Variants in MYO15A observed in about 807,000 individuals in gnomAD.
MYO15A encodes unconventional myosin-XV.
A neutral mutation model predicts 394.6 loss-of-function variants in MYO15A; 308 were observed. The observed-to-expected ratio is 0.78, with a 90% CI of 0.71 to 0.86. The LOEUF is 0.86. Ranked by LOEUF, MYO15A falls within the 40% of genes least tolerant of loss-of-function variation. The pLI, the probability that MYO15A is intolerant of heterozygous loss-of-function variation, is 0.00. For missense variants in MYO15A, 4,606 were observed against 4,799.1 expected, an observed-to-expected ratio of 0.96 and a Z score of 1.19; for synonymous variants, 1,957 against 2,003.8, an observed-to-expected ratio of 0.98 and a Z score of 0.62.
intron 28 of MYO15A, 59 bp from the exon 29 acceptor site, chr17:18,144,438 G>T (rs2046439716): frequency 2.8e-6 from 4 of 1,420,832 alleles, no homozygotes; most frequent in Non-Finnish European, 3.9e-6. Flanking sequence ...CAGAGCAGTG[G>T]GTCCAGATGT....
At chr17:18,113,760 C>T (rs1340506243) in intron 1 of MYO15A, among the ~76,000 whole-genome samples, 1 of 146,818 alleles carries the variant, frequency 6.8e-6, no homozygotes, top group African/African-American at 2.5e-5. Flanking sequence ...AAAAGGCAAA[C>T]ATAAGAATAC....
At chr17:18,126,498 C>G (rs751184306) in intron 5 of MYO15A, 42 bp downstream of exon 5, 7 of 1,568,046 alleles carry the variant, frequency 4.5e-6, no homozygotes, top group Non-Finnish European at 5.2e-6. Context: ...TCTTGGGCCC[C>G]TCTTTCCCCT....
chr17:18,154,145 G>T lies in MYO15A; in HGVS notation c.8103G>T (p.Lys2701Asn). The T allele has an allele frequency of 6.2e-7, 1 of 1,614,082 alleles. No homozygotes were observed. The highest frequency in any genetic ancestry group is 8.5e-7 in the Non-Finnish European group (1 of 1,180,036). Residue 2701 changes from lysine to asparagine, a missense_variant, in exon 44 of 66, where the codon AAG becomes AAT. Physicochemically the swap from Lys to Asn is moderately conservative, Grantham distance 94. Around this residue, in one of 2 missense-constraint regions of MYO15A, gnomAD observed 2,776 missense variants for 3,109.3 expected, o/e 0.89. Transcript: ENST00000647165. ...CGCCCCTGCAGGTGTTTTACCCCAA[G>T]GACAGCTACAGCCATCCTGTGCAGC... ...IFLRKEVFYP[K>N]DSYSHPVQLD...
Position 18,119,072 on chromosome 17 carries a change from G to A in MYO15A, c.272G>A (p.Arg91His), listed in dbSNP as rs759755751. 3 of 1,611,766 alleles carry A rather than the reference G, an allele frequency of 1.9e-6. No homozygotes were observed. Among genetic ancestry groups the A allele is most frequent in the African/African-American group, 1.3e-5 (1 of 74,914 alleles). Residue 91 changes from arginine (R) to histidine (H), a missense_variant, in exon 2 of 66, where the codon CGC (arginine) becomes CAC (histidine). Arg to His is a conservative substitution (Grantham distance 29, BLOSUM62 0). This residue lies in a region of MYO15A where 1,830 missense variants were observed against 1,689.7 expected (regional missense o/e 1.08). Transcript: ENST00000647165. ...KSTSKLMTQM[R>H]MGKKKRAMKG... Reference sequence around the variant, plus strand: ...ACGTCAAAGCTCATGACGCAGATGCGCATGGGCAAGAAGAAGCGGGCGATG... The same window carrying A: ...ACGTCAAAGCTCATGACGCAGATGCACATGGGCAAGAAGAAGCGGGCGATG...
rs1287708291 is a variant in MYO15A, at chr17:18,119,393, C to G, written c.593C>G (p.Ala198Gly). ...TTCCCCCGCAGCCGCAGCATCTACG[C>G]GTCAGGCGAGCCCCTGGGCTTCCTG... ...RRFPRSRSIY[A>G]SGEPLGFLPF... Residue 198 changes from alanine (A) to glycine (G), a missense_variant, in exon 2 of 66, where the codon GCG becomes GGG. Coordinates refer to ENST00000647165, the MANE Select transcript of MYO15A (RefSeq NM_016239.4). 1 of 1,611,200 alleles carries G rather than the reference C, an allele frequency of 6.2e-7. No individual in the cohort carries two copies. The highest frequency in any genetic ancestry group is 1.7e-5 in the Admixed American group (1 of 60,008).
At position 18,143,815 on chromosome 17, in the gene MYO15A, G is replaced by T; in HGVS notation, c.6046+19G>T. ...GTGGCAGGTGGGTCAGCACCAGGCG[G>T]GGGGAGGGCCCAGGCAGATCAGAGC... On this transcript the variant is annotated intron_variant, in intron 27 of 65. Coordinates refer to ENST00000647165, the MANE Select transcript of MYO15A (RefSeq NM_016239.4). 1.9e-6 allele frequency: 3 copies of T among 1,573,284 alleles called. No homozygotes were observed. Among genetic ancestry groups the T allele is most frequent in the Non-Finnish European group, 2.6e-6 (3 of 1,159,388 alleles).
Position 18,153,634 on chromosome 17 carries a change from C to G in MYO15A, c.7967-141C>G. The G allele has an allele frequency of 1.2e-6, 1 of 839,706 alleles. No homozygotes were observed. The highest frequency in any genetic ancestry group is 1.6e-6 in the Non-Finnish European group (1 of 639,240). 52.0% of individuals were successfully genotyped at this position (839,706 alleles called of 1,614,324 possible). On this transcript the variant is annotated intron_variant, in intron 42 of 65. Coordinates refer to ENST00000647165, the MANE Select transcript of MYO15A (RefSeq NM_016239.4). The surrounding 1 kb of genome is among the most constrained non-coding windows in gnomAD (Gnocchi z 4.1). ...AATCGCTTGAACCCAGGAGGCGGAG[C>G]TTGCAGTGGGCCGAGATTGCGCCAC...
At chr17:18,168,694 C>G (rs942689585) in intron 62 of MYO15A, among the ~76,000 whole-genome samples, 1 of 152,168 alleles carries the variant, frequency 6.6e-6, no homozygotes, top group Non-Finnish European at 1.5e-5. Context: ...GCATGAGCCA[C>G]CCTGGCTGGC....
rs1298737154 is a variant in MYO15A, at chr17:18,150,110, C to T, written c.7213-319C>T. 1 of 422,068 alleles carries T rather than the reference C, an allele frequency of 2.4e-6. No homozygotes were observed. The highest frequency in any genetic ancestry group is 4.4e-6 in the Non-Finnish European group (1 of 226,622). 26.1% of individuals were successfully genotyped at this position (422,068 alleles called of 1,614,324 possible). A position where few individuals can be genotyped will look rare whatever the true frequency, so the allele number is the denominator to read the frequency against. ...ACGAGACCCCTCAGGTACCCTTACT[C>T]ACTCTGGAAACTCCAGAACCCACCC... On this transcript the variant is annotated intron_variant, in intron 35 of 65. Coordinates refer to ENST00000647165, the MANE Select transcript of MYO15A (RefSeq NM_016239.4). This position sits in a 1 kb window ranked among gnomAD's most constrained non-coding sequence, Gnocchi z 4.4.
In MYO15A at chr17:18,157,149, C is replaced by A; in HGVS notation, c.8714-7C>A. The A allele has an allele frequency of 6.2e-7, 1 of 1,611,034 alleles. No homozygotes were observed. ...CTGGCAGATGCTGACCCGAGCCTGG[C>A]CCATAGGCTACAGTGCTGGCTGCGT... On this transcript the variant is annotated splice_region_variant and splice_polypyrimidine_tract_variant and intron_variant, in intron 49 of 65. Coordinates refer to ENST00000647165, the MANE Select transcript of MYO15A (RefSeq NM_016239.4).
chr17:18,164,762 G>A (rs971796454), intron 60 of MYO15A: 1 of 150,732 alleles, frequency 6.6e-6, no homozygotes, highest in African/African-American at 2.5e-5. Context: ...AACCTGGGAG[G>A]CGGAGGTTGT....
At chr17:18,129,811 G>C (rs2046118926) in intron 7 of MYO15A, among the ~76,000 whole-genome samples, 1 of 152,212 alleles carries the variant, frequency 6.6e-6, no homozygotes, top group African/African-American at 2.4e-5. Flanking sequence ...TAAATAGGTG[G>C]GAGCTTGTGA....
In MYO15A at chr17:18,171,721, G is replaced by A. The variant is rs373536607; in HGVS notation, c.10166G>A (p.Arg3389Gln). The A allele has an allele frequency of 3.0e-5, 49 of 1,612,784 alleles. No individual in the cohort carries two copies. The highest frequency in any genetic ancestry group is 1.3e-4 in the African/African-American group (10 of 75,022). Reference sequence around the variant, plus strand: ...TGGCTCAACCTGGTCAGCCAGCACCGGCAGCAGACACAGGCGCTCAGCCCC... The same window carrying A: ...TGGCTCAACCTGGTCAGCCAGCACCAGCAGCAGACACAGGCGCTCAGCCCC... ...STWLNLVSQH[R>Q]QQTQALSPHQ... Residue 3389 changes from arginine to glutamine, a missense_variant, in exon 63 of 66, where the codon CGG (arginine) becomes CAG (glutamine). Transcript: ENST00000647165.
intron 22 of MYO15A, 110 bp from the exon 23 acceptor site, chr17:18,141,543 C>T (rs2046380606): frequency 9.8e-7 from 1 of 1,020,522 alleles, no homozygotes; most frequent in Non-Finnish European, 1.6e-6. Flanking sequence ...TGTGGAGCCA[C>T]CACTGGGACC....
intron 1 of MYO15A, 124 bp from the exon 2 acceptor site, chr17:18,118,458 C>T (rs1441639148): frequency 1.7e-5 from 6 of 349,980 alleles, no homozygotes; most frequent in Non-Finnish European, 3.2e-5. Context: ...AGGGCCTAAC[C>T]AGGATGAGCA....
In MYO15A at chr17:18,156,271, C is replaced by T; in HGVS notation, c.8536C>T (p.Leu2846Phe). 2 of 1,614,184 alleles carry T rather than the reference C, an allele frequency of 1.2e-6. No individual in the cohort carries two copies. The highest frequency in any genetic ancestry group is 1.7e-5 in the Admixed American group (1 of 60,028). ...CAACCTGGCCAGTGAGAAGGTCATC[C>T]TCTTCTCAGCCCGAGCGCACCAGGT... ...EFNLASEKVI[L>F]FSARAHQVKT... The change falls in exon 48 of 66, where the codon CTC becomes TTC. Residue 2846 changes from leucine (L) to phenylalanine (F), a missense_variant. Leu to Phe is a conservative substitution (Grantham distance 22, BLOSUM62 0). This residue lies in a region of MYO15A where 2,776 missense variants were observed against 3,109.3 expected (regional missense o/e 0.89). Transcript: ENST00000647165.
intron 53 of MYO15A, 114 bp from the exon 54 acceptor site, chr17:18,159,161 T>C: frequency 7.1e-7 from 1 of 1,416,036 alleles, no homozygotes; most frequent in Non-Finnish European, 9.8e-7. Flanking sequence ...TGGGCCTGGC[T>C]CCCCTTTTGT....
chr17:18,120,224 G>C lies in MYO15A; in HGVS notation c.1424G>C (p.Arg475Pro). 6.2e-7 allele frequency: 1 copy of C among 1,612,564 alleles called. No homozygotes were observed. The highest frequency in any genetic ancestry group is 8.5e-7 in the Non-Finnish European group (1 of 1,179,840). ...KPARSKLSLI[R>P]KFRLFPRPQV... is the part of the protein sequence containing the mutation. ...GCCAGGTCCAAGCTGTCCCTCATCC[G>C]CAAGTTCCGCCTCTTCCCGCGACCC... The change falls in exon 2 of 66, where the codon CGC becomes CCC. Residue 475 changes from arginine to proline, a missense_variant. By Grantham distance (103) the Arg-to-Pro change is moderately radical. This residue lies in a region of MYO15A where 1,830 missense variants were observed against 1,689.7 expected (regional missense o/e 1.08). Coordinates refer to ENST00000647165, the MANE Select transcript of MYO15A (RefSeq NM_016239.4).
In MYO15A at chr17:18,119,692, C is replaced by T. The variant is rs1425966402; in HGVS notation, c.892C>T (p.Pro298Ser). The T allele has an allele frequency of 1.2e-6, 2 of 1,609,510 alleles. No homozygotes were observed. The highest frequency in any genetic ancestry group is 1.7e-6 in the Non-Finnish European group (2 of 1,179,962). ...CTACCACCCCGACTATTACGGTGGC[C>T]CCTTTGATCCGGGGTACACCTACGG... ...DYYHPDYYGG[P>S]FDPGYTYGYG... The change falls in exon 2 of 66, where the codon CCC becomes TCC. Residue 298 changes from proline (P) to serine (S), a missense_variant. Physicochemically the swap from Pro to Ser is moderately conservative, Grantham distance 74. This residue lies in a region of MYO15A where 1,830 missense variants were observed against 1,689.7 expected (regional missense o/e 1.08). Transcript: ENST00000647165.
Sources: gnomAD v4.1 joint callset for allele counts (sites outside exome capture counted in the v4.1 genomes callset) on GRCh38, gnomAD v4.1.1 for gene constraint, gnomAD v4.1.1 regional missense constraint, Gnocchi (gnomAD v3.1) non-coding constraint, MANE v1.5 for transcripts, NCBI Gene and HGNC (gene_info 2026-07-23, HGNC 2026-07-21) for gene names.